Variants in HIPK2 observed in about 807,000 individuals in gnomAD.
HIPK2 encodes homeodomain-interacting protein kinase 2.
HIPK2 carries 27 observed loss-of-function variants against 113.7 expected under a neutral mutation model. That is an observed-to-expected ratio of 0.24 (90% confidence interval 0.17 to 0.33). The LOEUF is 0.33. Among genes scored for constraint, HIPK2 ranks in the 10% least tolerant of loss-of-function variants. The probability of loss-of-function intolerance (pLI) is 1.00; values close to 1 mark genes in which losing one functional copy is unlikely to be tolerated. For missense variants in HIPK2, 1,257 were observed against 1,588.0 expected, an observed-to-expected ratio of 0.79 and a Z score of 3.54; for synonymous variants, 631 against 642.2, an observed-to-expected ratio of 0.98 and a Z score of 0.26.
Position 139,662,179 on chromosome 7 carries a change from C to CT in HIPK2, c.1104-30455dup, listed in dbSNP as rs570524893. Among the ~76,000 whole-genome samples the CT allele has an allele frequency of 1.4e-4, 21 of 152,304 alleles. No individual in the cohort carries two copies. In the South Asian group the frequency reaches 4.4e-3, roughly 32 times the overall value. On this transcript the variant is annotated intron_variant, in intron 2 of 14. Transcript: ENST00000406875. ...GACCTCGCCCTCTTTAATCCATGCTCTTTGAGTATAGTCCTTAGCTAACAT... is the reference window on the plus strand; with the variant it reads ...GACCTCGCCCTCTTTAATCCATGCTCTTTTGAGTATAGTCCTTAGCTAACAT...
rs528851528 is a variant in HIPK2 at position 139,589,424 on chromosome 7, A to G, written c.2718-5360T>C. Among the ~76,000 whole-genome samples, 9 of 152,244 alleles carry G rather than the reference A, an allele frequency of 5.9e-5. No homozygotes were observed. The South Asian group carries it at 1.7e-3, about 28-fold the overall frequency. The stretch of plus-strand genomic sequence containing the variant: ...GCATTTAAAAAAAAAAAAAACAACA[A>G]AAAGACAAAAACACACACTAATTTT... On this transcript the variant is annotated intron_variant, in intron 12 of 14. Coordinates refer to ENST00000406875, the MANE Select transcript of HIPK2 (RefSeq NM_022740.5).
At chr7:139,585,477 T>C (rs764645102) in intron 12 of HIPK2, among the ~76,000 whole-genome samples, 12 of 152,224 alleles carry the variant, frequency 7.9e-5, no homozygotes, top group Non-Finnish European at 1.6e-4. Context: ...GACACTGTCC[T>C]CTCTGGTTCA....
Position 139,631,101 on chromosome 7 carries a change from G to A in HIPK2, c.1347+64C>T, listed in dbSNP as rs1332803679. 2.3e-4 allele frequency: 347 copies of A among 1,538,654 alleles called. No individual in the cohort carries two copies. Among genetic ancestry groups the A allele is most frequent in the Non-Finnish European group, 3.0e-4 (345 of 1,141,672 alleles). ...CTGAATCAAAAGCTCCCCACTAATGGGTCTACGGCCCTCTTCCCTAAGCGC... is the reference window on the plus strand; with the variant it reads ...CTGAATCAAAAGCTCCCCACTAATGAGTCTACGGCCCTCTTCCCTAAGCGC... On this transcript the variant is annotated intron_variant, in intron 4 of 14. Transcript: ENST00000406875. The surrounding 1 kb of genome is among the most constrained non-coding windows in gnomAD (Gnocchi z 4.9).
chr7:139,607,655 C>T (rs1799665885), intron 9 of HIPK2, among the ~76,000 whole-genome samples: 1 of 151,870 alleles, frequency 6.6e-6, no homozygotes, highest in Non-Finnish European at 1.5e-5. Context: ...TATTATAAGG[C>T]TCAACTAAGA....
chr7:139,694,863 C>G (rs914042042), intron 2 of HIPK2, among the ~76,000 whole-genome samples: 2 of 152,350 alleles, frequency 1.3e-5, no homozygotes, highest in African/African-American at 2.4e-5. Context: ...AATGGCCTAA[C>G]AGTTGCATGC....
intron 1 of HIPK2, among the ~76,000 whole-genome samples, chr7:139,742,896 A>G (rs1796127896): frequency 6.6e-6 from 1 of 152,186 alleles, no homozygotes; most frequent in Admixed American, 6.5e-5. Flanking sequence ...GAGACTATAA[A>G]CTGTCTTGAC....
At chr7:139,718,026 G>A (rs926217808) in intron 1 of HIPK2, among the ~76,000 whole-genome samples, 5 of 152,164 alleles carry the variant, frequency 3.3e-5, no homozygotes, top group Non-Finnish European at 7.3e-5. Flanking sequence ...TTACAGACGT[G>A]AGCCACCGTG....
intron 2 of HIPK2, among the ~76,000 whole-genome samples, chr7:139,704,259 A>C (rs1418180005): frequency 1.4e-5 from 1 of 70,406 alleles, no homozygotes; most frequent in Non-Finnish European, 2.7e-5. Context: ...CCACACCCAC[A>C]CTATACCCAA....
chr7:139,742,797 G>A (rs904142223), intron 1 of HIPK2, among the ~76,000 whole-genome samples: 1 of 152,176 alleles, frequency 6.6e-6, no homozygotes, highest in Non-Finnish European at 1.5e-5. Flanking sequence ...ACATCTAGGG[G>A]TATCTTCTCC....
At chr7:139,657,299 G>A (rs538271006) in intron 2 of HIPK2, among the ~76,000 whole-genome samples, 2 of 152,224 alleles carry the variant, frequency 1.3e-5, no homozygotes, top group Non-Finnish European at 2.9e-5. Context: ...TACTACGTCA[G>A]TCAGAGTCGT....
At chr7:139,574,368 C>T (rs933421282) in intron 14 of HIPK2, among the ~76,000 whole-genome samples, 1 of 151,886 alleles carries the variant, frequency 6.6e-6, no homozygotes, top group African/African-American at 2.4e-5. Flanking sequence ...AGAACAAGAC[C>T]CTGTCTTAAA....
intron 1 of HIPK2, among the ~76,000 whole-genome samples, chr7:139,746,665 C>T (rs1038671207): frequency 3.3e-5 from 5 of 152,146 alleles, no homozygotes; most frequent in Admixed American, 6.5e-5. Context: ...ACAGGTTTCT[C>T]GCACCTCTTT....
chr7:139,613,662 G>A lies in HIPK2; in HGVS notation c.1991-339C>T, dbSNP rs959064419. 1.3e-5 allele frequency among the ~76,000 whole-genome samples: 2 copies of A among 152,196 alleles called. No homozygotes were observed. Among genetic ancestry groups the A allele is most frequent in the Non-Finnish European group, 2.9e-5 (2 of 68,032 alleles). On this transcript the variant is annotated intron_variant, in intron 8 of 14. Coordinates refer to ENST00000406875, the MANE Select transcript of HIPK2 (RefSeq NM_022740.5). This position sits in a 1 kb window ranked among gnomAD's most constrained non-coding sequence, Gnocchi z 4.2. ...ACCTGTGTATGTCAAAATGAGGGGT[G>A]TTGGGGAGATGTATGAACCCATTTG...
chr7:139,774,597 G>A (rs1286941808), intron 1 of HIPK2, among the ~76,000 whole-genome samples: 1 of 152,202 alleles, frequency 6.6e-6, no homozygotes, highest in African/African-American at 2.4e-5. Context: ...ATCTGATGAT[G>A]AATTGCAGCA....
Position 139,634,437 on chromosome 7 carries a change from G to C in HIPK2, c.1104-2712C>G, listed in dbSNP as rs111719926. Among the ~76,000 whole-genome samples the C allele has an allele frequency of 3.2e-3, 489 of 152,098 alleles. 1 individual carries two copies. Among genetic ancestry groups the C allele is most frequent in the African/African-American group, 0.011 (450 of 41,474 alleles). ...GCACTGATGAGCTGGGGATGCCTGT[G>C]GTGGCTCCAAGACATGTCCCTGCTG... On this transcript the variant is annotated intron_variant, in intron 2 of 14. Transcript: ENST00000406875.
chr7:139,671,628 T>G (rs1802305754), intron 2 of HIPK2, among the ~76,000 whole-genome samples: 1 of 152,218 alleles, frequency 6.6e-6, no homozygotes, highest in African/African-American at 2.4e-5. Flanking sequence ...CTCGGCTCAC[T>G]GCAACCTCCG....
At chr7:139,727,831 A>G (rs1795629265) in intron 1 of HIPK2, among the ~76,000 whole-genome samples, 1 of 152,196 alleles carries the variant, frequency 6.6e-6, no homozygotes. Flanking sequence ...CTGATAAGAC[A>G]CAAACGCTTT....
chr7:139,654,171 C>T (rs925361442), intron 2 of HIPK2, among the ~76,000 whole-genome samples: 4 of 152,172 alleles, frequency 2.6e-5, no homozygotes, highest in African/African-American at 9.7e-5. Flanking sequence ...ATGAGATACA[C>T]ATAAAAGCTG....
At chr7:139,616,011 G>A (rs991056076) in intron 7 of HIPK2, among the ~76,000 whole-genome samples, 6 of 152,046 alleles carry the variant, frequency 3.9e-5, no homozygotes, top group Non-Finnish European at 7.4e-5. Flanking sequence ...GATCTCTTCC[G>A]GAGGCTTCTT....
Sources: allele counts gnomAD v4.1 joint callset (sites outside exome capture counted in the v4.1 genomes callset), GRCh38; gene constraint gnomAD v4.1.1; non-coding constraint Gnocchi (gnomAD v3.1); transcripts MANE v1.5; gene names NCBI Gene and HGNC (gene_info 2026-07-23, HGNC 2026-07-21).